BARX2: variants seen among roughly 807,000 people sequenced by gnomAD.
BARX2 encodes homeobox protein BarH-like 2.
BARX2 carries 11 observed loss-of-function variants against 25.5 expected under a neutral mutation model. The ratio of observed to expected loss-of-function variants is 0.43; its 90% confidence interval spans 0.27 to 0.71. BARX2 has a LOEUF of 0.71. Ranked by LOEUF, BARX2 falls within the 30% of genes least tolerant of loss-of-function variation. BARX2 has a pLI of 0.19. For missense variants in BARX2, 360 were observed against 359.9 expected (o/e 1.00, Z 0.00); for synonymous variants, 137 against 149.5 (o/e 0.92, Z 0.61).
intron 1 of BARX2, among the ~76,000 whole-genome samples, chr11:129,396,159 C>T (rs1456093216): frequency 6.6e-6 from 1 of 152,058 alleles, no homozygotes; most frequent in African/African-American, 2.4e-5. Flanking sequence ...AAAGACTGTT[C>T]CTTCATCTTG....
intron 1 of BARX2, among the ~76,000 whole-genome samples, chr11:129,410,478 T>C (rs1861874720): frequency 6.6e-6 from 1 of 152,254 alleles, no homozygotes; most frequent in African/African-American, 2.4e-5. Flanking sequence ...TCTTTCATGT[T>C]TGAGGCTTTC....
chr11:129,381,385 T>C (rs1469809273), intron 1 of BARX2, among the ~76,000 whole-genome samples: 1 of 152,174 alleles, frequency 6.6e-6, no homozygotes, highest in East Asian at 1.9e-4. Flanking sequence ...GTTTGTTTTG[T>C]TTTGTTTTGT....
intron 1 of BARX2, among the ~76,000 whole-genome samples, chr11:129,380,258 C>G (rs531119118): frequency 7.2e-5 from 11 of 152,186 alleles, no homozygotes; most frequent in African/African-American, 2.6e-4. Context: ...GGGTGTTTAT[C>G]TTTTAGGAGG....
At chr11:129,422,924 G>A (rs1862021791) in intron 1 of BARX2, among the ~76,000 whole-genome samples, 3 of 149,322 alleles carry the variant, frequency 2.0e-5, no homozygotes, top group Admixed American at 6.7e-5. Flanking sequence ...GCTGGTCTCA[G>A]ACTCCCGACC....
chr11:129,418,906 T>C (rs1240177117), intron 1 of BARX2, among the ~76,000 whole-genome samples: 1 of 152,224 alleles, frequency 6.6e-6, no homozygotes, highest in Non-Finnish European at 1.5e-5. Context: ...TTCAATGTTG[T>C]TTCATTATAA....
intron 1 of BARX2, among the ~76,000 whole-genome samples, chr11:129,429,813 A>G (rs776991872): frequency 5.3e-5 from 8 of 152,192 alleles, no homozygotes; most frequent in Non-Finnish European, 7.3e-5. Flanking sequence ...AGCCTTGAAT[A>G]TGAAGATCTT....
intron 1 of BARX2, among the ~76,000 whole-genome samples, chr11:129,435,712 A>G (rs1862180336): frequency 6.6e-6 from 1 of 152,244 alleles, no homozygotes; most frequent in Non-Finnish European, 1.5e-5. Flanking sequence ...CTCACCTTAT[A>G]GATGATGAAA....
At chr11:129,399,359 G>C (rs1266602534) in intron 1 of BARX2, among the ~76,000 whole-genome samples, 3 of 152,136 alleles carry the variant, frequency 2.0e-5, no homozygotes, top group Non-Finnish European at 2.9e-5. Context: ...CTTGAATCTA[G>C]AGACCTTCTC....
chr11:129,449,410 GACA>G (rs200998338), intron 3 of BARX2, among the ~76,000 whole-genome samples: 1 of 139,502 alleles, frequency 7.2e-6, no homozygotes, highest in Non-Finnish European at 1.6e-5. Flanking sequence ...AAATATAGAA[GACA>G]AGAAGATTAG....
intron 2 of BARX2, chr11:129,438,321 CAAA>C (rs397848249): frequency 0.18 from 14,871 of 83,812 alleles, 719 homozygotes; most frequent in Middle Eastern, 0.23. Context: ...GACTCAGTCT[CAAA>C]AAAAAAAAAA....
Position 129,451,333 on chromosome 11 carries a change from G to C in BARX2, c.771G>C (p.Glu257Asp), listed in dbSNP as rs760613123. Residue 257 changes from glutamate (E) to aspartate (D), a missense_variant, in exon 4 of 4, where the codon GAG becomes GAC. By Grantham distance (45) the Glu-to-Asp change is conservative. Around this residue, in one of 3 missense-constraint regions of BARX2, gnomAD observed 114 missense variants for 109.4 expected, o/e 1.04. Coordinates refer to ENST00000281437, the MANE Select transcript of BARX2 (RefSeq NM_003658.5). ...QEPKARDVPL[E>D]MAEPPDPPQE... ...CGAAAGCACGTGATGTCCCCTTAGA[G>C]ATGGCAGAGCCACCAGACCCGCCCC... 28 of 1,614,054 alleles carry C rather than the reference G, an allele frequency of 1.7e-5. No individual in the cohort carries two copies. In the South Asian group the frequency reaches 2.9e-4, roughly 16 times the overall value.
chr11:129,410,537 C>T (rs1324050395), intron 1 of BARX2, among the ~76,000 whole-genome samples: 1 of 152,176 alleles, frequency 6.6e-6, no homozygotes, highest in South Asian at 2.1e-4. Context: ...AGGAATGAAG[C>T]TCTGAGACAC....
intron 1 of BARX2, among the ~76,000 whole-genome samples, chr11:129,424,095 A>T (rs958056123): frequency 6.6e-6 from 1 of 151,930 alleles, no homozygotes; most frequent in Non-Finnish European, 1.5e-5. Context: ...TGATCCTCCC[A>T]CCTTGGCCTC....
chr11:129,443,210 C>T (rs1421150571), intron 3 of BARX2, among the ~76,000 whole-genome samples: 1 of 152,098 alleles, frequency 6.6e-6, no homozygotes, highest in Non-Finnish European at 1.5e-5. Flanking sequence ...TTCTAGGGTA[C>T]ATGTGCAGAA....
intron 1 of BARX2, among the ~76,000 whole-genome samples, chr11:129,406,961 G>A (rs1459338541): frequency 6.6e-6 from 1 of 152,160 alleles, no homozygotes; most frequent in African/African-American, 2.4e-5. Flanking sequence ...CACTTAGTGG[G>A]CAGCTAATTA....
At chr11:129,433,914 C>T (rs1003559487) in intron 1 of BARX2, among the ~76,000 whole-genome samples, 10 of 152,182 alleles carry the variant, frequency 6.6e-5, no homozygotes, top group Non-Finnish European at 1.0e-4. Flanking sequence ...TTATAGTATT[C>T]GTTGCTATCT....
Position 129,451,600 on chromosome 11 carries a change from A to G in BARX2, c.*198A>G. ...AAGACTTGCTTGTCTTGGGCCTGTC[A>G]CCTCCTGAAAGGCTGCTTTAGCTGT... On this transcript the variant is annotated 3_prime_UTR_variant, in exon 4 of 4. Coordinates refer to ENST00000281437, the MANE Select transcript of BARX2 (RefSeq NM_003658.5). 1.5e-6 allele frequency: 1 copy of G among 662,980 alleles called. No individual in the cohort carries two copies. Among genetic ancestry groups the G allele is most frequent in the East Asian group, 2.8e-5 (1 of 35,538 alleles). 41.1% of individuals were successfully genotyped at this position (662,980 alleles called of 1,614,324 possible).
At chr11:129,422,651 T>A (rs963370031) in intron 1 of BARX2, among the ~76,000 whole-genome samples, 1 of 83,900 alleles carries the variant, frequency 1.2e-5, no homozygotes, top group Non-Finnish European at 2.7e-5. Flanking sequence ...TGTAGATCTC[T>A]TGTGTGTACA....
intron 1 of BARX2, among the ~76,000 whole-genome samples, chr11:129,398,741 G>A (rs1861747147): frequency 1.3e-5 from 2 of 152,196 alleles, no homozygotes; most frequent in South Asian, 4.1e-4. Flanking sequence ...ATTCTGCATG[G>A]GAGGTCAGGA....
Sources: gnomAD v4.1 joint callset for allele counts (sites outside exome capture counted in the v4.1 genomes callset) on GRCh38, gnomAD v4.1.1 for gene constraint, gnomAD v4.1.1 regional missense constraint, MANE v1.5 for transcripts, NCBI Gene and HGNC (gene_info 2026-07-23, HGNC 2026-07-21) for gene names.